Variants in CPQ observed in about 807,000 individuals in gnomAD.
CPQ encodes carboxypeptidase Q.
In CPQ, 37 loss-of-function variants were observed where a neutral mutation model predicts 45.7. That is an observed-to-expected ratio of 0.81 (90% CI 0.62 to 1.07). The LOEUF (loss-of-function observed/expected upper bound fraction) is 1.07, where lower values mean the gene tolerates loss of function less well. Among genes scored for constraint, CPQ ranks in the 50% least tolerant of loss-of-function variants. CPQ has a pLI of 0.00. For missense variants in CPQ, 537 were observed against 572.9 expected, an observed-to-expected ratio of 0.94 and a Z score of 0.64; for synonymous variants, 186 against 205.8, an observed-to-expected ratio of 0.90 and a Z score of 0.82.
In CPQ at chr8:96,860,564, T is replaced by C. The variant is rs114812888; in HGVS notation, c.642-19234T>C. Among the ~76,000 whole-genome samples, 781 of 152,228 alleles carry C rather than the reference T, an allele frequency of 5.1e-3. 8 individuals are homozygous for C. Among genetic ancestry groups the C allele is most frequent in the African/African-American group, 0.018 (747 of 41,550 alleles). On this transcript the variant is annotated intron_variant, in intron 3 of 7. Coordinates refer to ENST00000220763, the MANE Select transcript of CPQ (RefSeq NM_016134.4). ...GAGTGGGAAAGTAGCTTTTTCTAAG[T>C]AGGCATTGATTGGCATTGAGCAGTG... is the stretch of plus-strand genomic sequence containing the variant.
chr8:96,665,309 A>G (rs1016018210), intron 1 of CPQ, among the ~76,000 whole-genome samples: 2 of 152,210 alleles, frequency 1.3e-5, no homozygotes, highest in Non-Finnish European at 2.9e-5. Context: ...TACATATGAT[A>G]CTATTACTAA....
chr8:96,675,853 ATAT>A (rs1355922758), intron 1 of CPQ, among the ~76,000 whole-genome samples: 19 of 152,160 alleles, frequency 1.2e-4, no homozygotes, highest in South Asian at 6.2e-4. Flanking sequence ...CTTTTAGAAA[ATAT>A]TATTGATCCT....
intron 2 of CPQ, among the ~76,000 whole-genome samples, chr8:96,833,740 T>C (rs755019411): frequency 1.1e-4 from 17 of 152,202 alleles, no homozygotes; most frequent in Admixed American, 6.5e-4. Context: ...GGTGAAGGCA[T>C]ACCTATAGAT....
intron 1 of CPQ, among the ~76,000 whole-genome samples, chr8:96,687,193 CTCT>C (rs1809243054): frequency 6.6e-6 from 1 of 150,952 alleles, no homozygotes; most frequent in African/African-American, 2.4e-5. Flanking sequence ...CTCTTCTCTT[CTCT>C]TCTTTTCTTT....
intron 1 of CPQ, among the ~76,000 whole-genome samples, chr8:96,691,672 G>A (rs750356783): frequency 2.6e-5 from 4 of 152,188 alleles, no homozygotes; most frequent in African/African-American, 9.6e-5. Flanking sequence ...AAAATAAAGC[G>A]GAGTCATTTT....
intron 1 of CPQ, among the ~76,000 whole-genome samples, chr8:96,765,991 C>A (rs1002540088): frequency 6.6e-6 from 1 of 152,174 alleles, no homozygotes; most frequent in Non-Finnish European, 1.5e-5. Flanking sequence ...AGGAGGCCCT[C>A]CCACTCCAAA....
intron 1 of CPQ, among the ~76,000 whole-genome samples, chr8:96,653,839 A>C (rs1339644603): frequency 6.6e-6 from 1 of 152,182 alleles, no homozygotes; most frequent in Non-Finnish European, 1.5e-5. Context: ...AGGTGGAAGA[A>C]GCGAGGAGGT....
intron 1 of CPQ, among the ~76,000 whole-genome samples, chr8:96,776,000 C>G (rs1252053975): frequency 1.3e-5 from 2 of 152,214 alleles, no homozygotes; most frequent in African/African-American, 4.8e-5. Flanking sequence ...AATTAAGTGT[C>G]TACCAATAGT....
At chr8:96,688,100 C>A (rs1809256971) in intron 1 of CPQ, among the ~76,000 whole-genome samples, 2 of 151,802 alleles carry the variant, frequency 1.3e-5, no homozygotes, top group African/African-American at 4.8e-5. Context: ...GTAGGTTTTT[C>A]TTTATTGATA....
intron 1 of CPQ, among the ~76,000 whole-genome samples, chr8:96,726,492 A>G (rs1366195138): frequency 6.6e-6 from 1 of 152,110 alleles, no homozygotes; most frequent in Non-Finnish European, 1.5e-5. Flanking sequence ...CAGGAAACAT[A>G]CAATCATAGT....
chr8:96,804,240 T>C (rs1586407448), intron 2 of CPQ, among the ~76,000 whole-genome samples: 1 of 152,176 alleles, frequency 6.6e-6, no homozygotes, highest in Non-Finnish European at 1.5e-5. Context: ...TGGAAACGTA[T>C]GCAGGTGGAC....
intron 5 of CPQ, among the ~76,000 whole-genome samples, chr8:96,995,018 T>C (rs1037066904): frequency 3.9e-5 from 6 of 151,914 alleles, no homozygotes; most frequent in African/African-American, 1.5e-4. Flanking sequence ...AGAGGAGGCA[T>C]ACTCGAAAGA....
At chr8:96,658,767 G>C (rs539635322) in intron 1 of CPQ, among the ~76,000 whole-genome samples, 6 of 152,286 alleles carry the variant, frequency 3.9e-5, no homozygotes, top group Admixed American at 1.3e-4. Context: ...GATGGAGGAA[G>C]GGGGCCATGA....
At chr8:96,983,952 T>C (rs1440548408) in intron 5 of CPQ, among the ~76,000 whole-genome samples, 3 of 152,060 alleles carry the variant, frequency 2.0e-5, no homozygotes, top group Non-Finnish European at 4.4e-5. Flanking sequence ...TCATGTTTAT[T>C]GTGATTACTT....
chr8:96,954,098 T>A (rs993319098), intron 4 of CPQ, among the ~76,000 whole-genome samples: 1 of 152,164 alleles, frequency 6.6e-6, no homozygotes, highest in African/African-American at 2.4e-5. Flanking sequence ...GTAAGAATGG[T>A]ACTTTGATGC....
At chr8:97,082,816 A>C (rs2130553950) in intron 7 of CPQ, among the ~76,000 whole-genome samples, 1 of 152,328 alleles carries the variant, frequency 6.6e-6, no homozygotes, top group Middle Eastern at 3.4e-3. Flanking sequence ...TTCCTTACCC[A>C]TACAAGTGAG....
In CPQ at chr8:96,734,708, C is replaced by T. The variant is rs1466155925; in HGVS notation, c.-34-50156C>T. On this transcript the variant is annotated intron_variant, in intron 1 of 7. Transcript: ENST00000220763. ...CCTGGATGACAGAGCGAGACTCCATCTCAAAAATAAAATAAAATAAAATAA... is the reference window on the plus strand; with the variant it reads ...CCTGGATGACAGAGCGAGACTCCATTTCAAAAATAAAATAAAATAAAATAA... 2.1e-5 allele frequency among the ~76,000 whole-genome samples: 3 copies of T among 140,084 alleles called. No individual in the cohort carries two copies. In the Admixed American group the frequency reaches 2.4e-4, roughly 11 times the overall value. 91.9% of individuals were successfully genotyped at this position (140,084 alleles called of 152,430 possible).
intron 2 of CPQ, among the ~76,000 whole-genome samples, chr8:96,798,003 A>G (rs1285256907): frequency 3.3e-5 from 5 of 151,520 alleles, no homozygotes; most frequent in African/African-American, 9.7e-5. Flanking sequence ...GTGAGCCTAG[A>G]TTGTGCCACT....
At chr8:96,667,813 CTT>C (rs1327920447) in intron 1 of CPQ, among the ~76,000 whole-genome samples, 8 of 152,132 alleles carry the variant, frequency 5.3e-5, no homozygotes, top group Non-Finnish European at 1.2e-4. Flanking sequence ...AGTCCTGTCT[CTT>C]ATATGAAGTC....
Sources: allele counts gnomAD v4.1 joint callset (sites outside exome capture counted in the v4.1 genomes callset), GRCh38; gene constraint gnomAD v4.1.1; transcripts MANE v1.5; gene names NCBI Gene and HGNC (gene_info 2026-07-23, HGNC 2026-07-21).